The following CNTN3 variants were observed in gnomAD, a reference collection of about 807,000 sequenced individuals.
CNTN3 encodes contactin-3.
CNTN3 carries 60 observed loss-of-function variants against 119.1 expected under a neutral mutation model. That is an observed-to-expected ratio of 0.50 (90% CI 0.41 to 0.62). The LOEUF is 0.62. Among genes scored for constraint, CNTN3 ranks in the 20% least tolerant of loss-of-function variants. The pLI, the probability that CNTN3 is intolerant of heterozygous loss-of-function variation, is 0.00. For synonymous variants in CNTN3, 450 were observed against 438.7 expected, an observed-to-expected ratio of 1.03 and a Z score of -0.32; for missense variants, 1,101 against 1,242.4, an observed-to-expected ratio of 0.89 and a Z score of 1.71.
At chr3:74,363,462 A>C (rs1205442103) in intron 10 of CNTN3, among the ~76,000 whole-genome samples, 3 of 152,118 alleles carry the variant, frequency 2.0e-5, no homozygotes, top group Non-Finnish European at 4.4e-5. Flanking sequence ...ACACCAACCA[A>C]AAATATCTCC....
intron 1 of CNTN3, among the ~76,000 whole-genome samples, chr3:74,566,598 G>C (rs1704229526): frequency 6.6e-6 from 1 of 152,044 alleles, no homozygotes; most frequent in Non-Finnish European, 1.5e-5. Context: ...TCTTCCCTGT[G>C]TCTCCTCTGG....
intron 1 of CNTN3, among the ~76,000 whole-genome samples, chr3:74,582,722 C>T (rs76857241): frequency 1.3e-5 from 2 of 151,796 alleles, no homozygotes; most frequent in Non-Finnish European, 2.9e-5. Context: ...CCCAACCTTG[C>T]TGGTAGGAAT....
chr3:74,373,174 G>A (rs1460043799), intron 5 of CNTN3, among the ~76,000 whole-genome samples: 2 of 152,150 alleles, frequency 1.3e-5, no homozygotes, highest in African/African-American at 4.8e-5. Flanking sequence ...AAACATTATG[G>A]TTATTCTCAG....
At chr3:74,509,849 T>C (rs1308670041) in intron 2 of CNTN3, among the ~76,000 whole-genome samples, 1 of 152,094 alleles carries the variant, frequency 6.6e-6, no homozygotes, top group African/African-American at 2.4e-5. Context: ...TCTGAATTCC[T>C]AGAACAATGT....
intron 4 of CNTN3, among the ~76,000 whole-genome samples, chr3:74,480,441 GGAGAGTGT>G (rs1400185557): frequency 1.3e-5 from 2 of 151,994 alleles, no homozygotes; most frequent in African/African-American, 4.8e-5. Context: ...GGTGGTGGTA[GGAGAGTGT>G]TGTAGCATCA....
At chr3:74,285,637 A>T in intron 19 of CNTN3, 146 bp from the exon 20 acceptor site, 2 of 712,808 alleles carry the variant, frequency 2.8e-6, no homozygotes, top group Non-Finnish European at 2.2e-6. Context: ...TAGGTGCTGC[A>T]TTAGGCTGTG....
intron 4 of CNTN3, among the ~76,000 whole-genome samples, chr3:74,442,910 G>A (rs1181211446): frequency 2.0e-5 from 3 of 152,098 alleles, no homozygotes; most frequent in African/African-American, 7.2e-5. Flanking sequence ...GACAGATCTG[G>A]GACTTAAGCC....
chr3:74,274,704 G>A (rs114610239), intron 20 of CNTN3, among the ~76,000 whole-genome samples: 146 of 152,188 alleles, frequency 9.6e-4, no homozygotes, highest in African/African-American at 2.6e-3. Context: ...CAAATGAGGA[G>A]GAATCAGAAA....
intron 5 of CNTN3, among the ~76,000 whole-genome samples, chr3:74,385,453 C>T (rs2106818719): frequency 6.6e-6 from 1 of 152,096 alleles, no homozygotes; most frequent in Non-Finnish European, 1.5e-5. Flanking sequence ...AGTGTTTTGA[C>T]TATTGCTATC....
At chr3:74,612,536 A>T (rs1419703611) in intron 1 of CNTN3, among the ~76,000 whole-genome samples, 1 of 152,172 alleles carries the variant, frequency 6.6e-6, no homozygotes, top group Non-Finnish European at 1.5e-5. Flanking sequence ...ATGAGGCTGA[A>T]TGTTATTGTC....
intron 5 of CNTN3, among the ~76,000 whole-genome samples, chr3:74,399,212 G>T (rs1244502570): frequency 6.6e-6 from 1 of 151,538 alleles, no homozygotes; most frequent in Non-Finnish European, 1.5e-5. Flanking sequence ...GTGTCATGTG[G>T]GTGTGTTGTA....
chr3:74,270,649 C>A (rs984005720), intron 20 of CNTN3, among the ~76,000 whole-genome samples: 47 of 152,066 alleles, frequency 3.1e-4, no homozygotes, highest in Non-Finnish European at 6.2e-4. Context: ...TAGGAATGAG[C>A]AGGGGATAGT....
chr3:74,607,002 G>A lies in CNTN3; in HGVS notation c.-81+7389C>T, dbSNP rs572972212. ...TCCAATGAATAAAAGGAGAAACTTG[G>A]GCCTGCATGGCTCACATTTCAAAAC... On this transcript the variant is annotated intron_variant, in intron 1 of 22. Coordinates refer to ENST00000263665, the MANE Select transcript of CNTN3 (RefSeq NM_020872.3). 5.3e-5 allele frequency among the ~76,000 whole-genome samples: 8 copies of A among 152,032 alleles called. No individual in the cohort carries two copies. The East Asian group carries it at 9.7e-4, about 18-fold the overall frequency.
intron 21 of CNTN3, among the ~76,000 whole-genome samples, chr3:74,266,870 G>A (rs771249800): frequency 1.3e-5 from 2 of 152,112 alleles, no homozygotes; most frequent in African/African-American, 4.8e-5. Context: ...AACTTCTCCC[G>A]TGGAAAAGCC....
intron 1 of CNTN3, among the ~76,000 whole-genome samples, chr3:74,545,062 G>A (rs1336758932): frequency 4.6e-5 from 7 of 152,134 alleles, no homozygotes; most frequent in Non-Finnish European, 7.4e-5. Context: ...CAGGGTTAAT[G>A]CTTCAAATAC....
rs375992095 is a variant in CNTN3, at chr3:74,285,335, C to G, written c.2674G>C (p.Ala892Pro). 1.2e-6 allele frequency: 2 copies of G among 1,609,268 alleles called. No individual in the cohort carries two copies. Among genetic ancestry groups the G allele is most frequent in the East Asian group, 2.2e-5 (1 of 44,584 alleles). ...TTCTTGGTGGTTACATTAACTGTGG[C>G]GCTAAAAGGCCCAGCGCCGGCACTG... is the stretch of plus-strand genomic sequence containing the variant. ...YNSAGAGPFS[A>P]TVNVTTKKTP... Residue 892 changes from alanine (A) to proline (P), a missense_variant, in exon 20 of 23, where the codon GCC (alanine) becomes CCC (proline). Ala to Pro is a conservative substitution (Grantham distance 27). Transcript: ENST00000263665.
chr3:74,342,056 T>C (rs552317655), intron 11 of CNTN3, among the ~76,000 whole-genome samples: 1 of 152,264 alleles, frequency 6.6e-6, no homozygotes, highest in South Asian at 2.1e-4. Flanking sequence ...GTACATATTC[T>C]AAGAGATGGA....
At chr3:74,590,451 G>A (rs1376086684) in intron 1 of CNTN3, among the ~76,000 whole-genome samples, 1 of 152,010 alleles carries the variant, frequency 6.6e-6, no homozygotes, top group African/African-American at 2.4e-5. Context: ...AGAACGGGTG[G>A]TGAATGAATG....
At chr3:74,495,534 C>G (rs973630167) in intron 3 of CNTN3, among the ~76,000 whole-genome samples, 2 of 151,816 alleles carry the variant, frequency 1.3e-5, no homozygotes, top group Admixed American at 1.3e-4. Context: ...ACTCTGTGTG[C>G]CTAGATATAT....
Sources: allele counts gnomAD v4.1 joint callset (sites outside exome capture counted in the v4.1 genomes callset), GRCh38; gene constraint gnomAD v4.1.1; transcripts MANE v1.5; gene names NCBI Gene and HGNC (gene_info 2026-07-23, HGNC 2026-07-21).